Variants in LGSN observed in about 807,000 individuals in gnomAD.
LGSN encodes the protein lengsin, lens protein with glutamine synthetase domain, also known as lengsin.
Under a neutral mutation model 19.5 loss-of-function variants are expected in LGSN, and 21 were observed. That is an observed-to-expected ratio of 1.07 (90% CI 0.76 to 1.55). The LOEUF is 1.55. Ranked by LOEUF, LGSN falls within the 40% of genes most tolerant of loss-of-function variation. LGSN has a pLI of 0.00. For synonymous variants in LGSN, 257 were observed against 215.6 expected (o/e 1.19, Z -1.68); for missense variants, 673 against 608.5 (o/e 1.11, Z -1.12).
the LGSN span, among the ~76,000 whole-genome samples, chr6:63,427,696 G>C: frequency 1.3e-5 from 2 of 152,214 alleles, no homozygotes; most frequent in African/African-American, 2.4e-5. Context: ...TTATAAATCT[G>C]TTTTCTCCTT....
chr6:63,567,434 A>T, the LGSN span, among the ~76,000 whole-genome samples: 1 of 152,236 alleles, frequency 6.6e-6, no homozygotes, highest in Non-Finnish European at 1.5e-5. Flanking sequence ...CATTTCAGTG[A>T]CCATGTGCAT....
chr6:63,296,548 T>C (rs1256625873), intron 1 of LGSN, among the ~76,000 whole-genome samples: 1 of 151,794 alleles, frequency 6.6e-6, no homozygotes, highest in East Asian at 1.9e-4. Flanking sequence ...GAAAATGAAA[T>C]ACTTAGCCAG....
At chr6:63,492,705 G>A in the LGSN span, among the ~76,000 whole-genome samples, 1 of 152,288 alleles carries the variant, frequency 6.6e-6, no homozygotes, top group Admixed American at 6.5e-5. Flanking sequence ...GCACAGAACA[G>A]CATGTACTCG....
At chr6:63,418,886 C>T in the LGSN span, among the ~76,000 whole-genome samples, 4 of 151,252 alleles carry the variant, frequency 2.6e-5, no homozygotes, top group African/African-American at 7.3e-5. Context: ...CCACCCCCAC[C>T]GTGCCAGCAA....
At chr6:63,501,486 T>G in the LGSN span, among the ~76,000 whole-genome samples, 1 of 151,664 alleles carries the variant, frequency 6.6e-6, no homozygotes, top group African/African-American at 2.4e-5. Flanking sequence ...AACAAATAAA[T>G]ATGCTATGTA....
the LGSN span, among the ~76,000 whole-genome samples, chr6:63,531,512 C>CTTTT: frequency 3.4e-4 from 44 of 128,546 alleles, no homozygotes; most frequent in African/African-American, 1.0e-3. Flanking sequence ...ATCTATTATG[C>CTTTT]TTTTTTTTTT....
chr6:63,349,835 T>G, the LGSN span, among the ~76,000 whole-genome samples: 1 of 152,202 alleles, frequency 6.6e-6, no homozygotes, highest in African/African-American at 2.4e-5. Flanking sequence ...ATCATAAGAC[T>G]GAAATCAAGG....
chr6:63,547,762 C>T, the LGSN span, among the ~76,000 whole-genome samples: 3 of 151,620 alleles, frequency 2.0e-5, no homozygotes, highest in Admixed American at 2.0e-4. Context: ...CCACCCCCCT[C>T]GGCCTCCCAA....
At chr6:63,455,521 G>C in the LGSN span, among the ~76,000 whole-genome samples, 2 of 151,854 alleles carry the variant, frequency 1.3e-5, no homozygotes, top group Non-Finnish European at 2.9e-5. Flanking sequence ...TTGGGAGGCC[G>C]AGGCGGATGG....
At chr6:63,416,757 G>A in the LGSN span, among the ~76,000 whole-genome samples, 2 of 146,276 alleles carry the variant, frequency 1.4e-5, no homozygotes, top group Middle Eastern at 3.2e-3. Flanking sequence ...TAGTAGAGAC[G>A]GGGTTTCACC....
intron 1 of LGSN, among the ~76,000 whole-genome samples, chr6:63,298,836 G>T (rs1414318445): frequency 6.6e-6 from 1 of 152,144 alleles, no homozygotes; most frequent in African/African-American, 2.4e-5. Flanking sequence ...CTATTGATGT[G>T]CAGAACATTC....
the LGSN span, chr6:63,572,327 A>T: frequency 4.0e-6 from 1 of 247,498 alleles, no homozygotes. Flanking sequence ...CAACCGGTTC[A>T]CACCGGCGGC....
chr6:63,415,255 A>T, the LGSN span, among the ~76,000 whole-genome samples: 4 of 152,176 alleles, frequency 2.6e-5, no homozygotes, highest in Non-Finnish European at 5.9e-5. Flanking sequence ...CTTGAGGCGG[A>T]GTTTGCGGTG....
chr6:63,545,098 C>A, the LGSN span, among the ~76,000 whole-genome samples: 1 of 152,108 alleles, frequency 6.6e-6, no homozygotes, highest in Non-Finnish European at 1.5e-5. Context: ...GGAGGTTTCC[C>A]TTCTTGCTCA....
At chr6:63,325,638 A>G in the LGSN span, among the ~76,000 whole-genome samples, 1 of 152,162 alleles carries the variant, frequency 6.6e-6, no homozygotes, top group African/African-American at 2.4e-5. Flanking sequence ...ACTGACTTCA[A>G]AAATGAAGCC....
chr6:63,553,184 A>G, the LGSN span, among the ~76,000 whole-genome samples: 2 of 152,332 alleles, frequency 1.3e-5, no homozygotes, highest in African/African-American at 4.8e-5. Flanking sequence ...TGCCTCATCA[A>G]ATAAGTCCTC....
the LGSN span, among the ~76,000 whole-genome samples, chr6:63,521,568 A>G: frequency 1.5e-4 from 23 of 152,356 alleles, no homozygotes; most frequent in African/African-American, 5.0e-4. Flanking sequence ...ACCATTAACC[A>G]CCAAAATTAT....
At position 63,280,229 on chromosome 6, in the gene LGSN, G is replaced by C. The variant is rs1012795214; in HGVS notation, c.1322C>G (p.Pro441Arg). 1.2e-6 allele frequency: 2 copies of C among 1,614,050 alleles called. No individual in the cohort carries two copies. The highest frequency in any genetic ancestry group is 3.3e-5 in the Admixed American group (2 of 60,002). Residue 441 changes from proline to arginine, a missense_variant, in exon 4 of 4, where the codon CCA (proline) becomes CGA (arginine). Transcript: ENST00000370657. ...LHSSNEVLAG[P>R]DESTDFYQVE... ...TTGGTAAAAGTCTGTGCTCTCATCT[G>C]GACCAGCCAAGACCTCATTACTGCT...
At chr6:63,443,205 C>A in the LGSN span, among the ~76,000 whole-genome samples, 1 of 152,210 alleles carries the variant, frequency 6.6e-6, no homozygotes, top group Non-Finnish European at 1.5e-5. Context: ...CCCCTCATTG[C>A]CCAGCGCCAG....
Sources: gnomAD v4.1 joint callset for allele counts (sites outside exome capture counted in the v4.1 genomes callset) on GRCh38, gnomAD v4.1.1 for gene constraint, MANE v1.5 for transcripts, NCBI Gene and HGNC (gene_info 2026-07-23, HGNC 2026-07-21) for gene names.